Variants in ASB13 observed in about 807,000 individuals in gnomAD.
ASB13 encodes the protein ankyrin repeat and SOCS box containing 13.
In ASB13, 33 loss-of-function variants were observed where a neutral mutation model predicts 28.8. The ratio of observed to expected loss-of-function variants is 1.15; its 90% CI spans 0.87 to 1.53. The LOEUF (loss-of-function observed/expected upper bound fraction) is 1.53. Ranked by LOEUF, ASB13 falls within the 40% of genes most tolerant of loss-of-function variation. The pLI, the probability that ASB13 is intolerant of heterozygous loss-of-function variation, is 0.00. For synonymous variants in ASB13, 182 were observed against 172.9 expected (o/e 1.05, Z -0.41); for missense variants, 414 against 390.1 (o/e 1.06, Z -0.52).
At position 5,651,529 on chromosome 10, in the gene ASB13, G is replaced by A; in HGVS notation, c.232-166C>T. On this transcript the variant is annotated intron_variant, in intron 2 of 5. Coordinates refer to ENST00000357700, the MANE Select transcript of ASB13 (RefSeq NM_024701.4). This position sits in a 1 kb window ranked among gnomAD's most constrained non-coding sequence, Gnocchi z 5.1. ...CTGAAAGAGATAGCACGTGGCTGCG[G>A]AGCACCGACGGCCTCCTGAGTAGAG... 2.8e-6 allele frequency: 2 copies of A among 704,024 alleles called. No homozygotes were observed. Among genetic ancestry groups the A allele is most frequent in the Non-Finnish European group, 4.6e-6 (2 of 439,078 alleles). The allele number at this position is 704,024 out of a possible 1,614,324, so 43.6% of individuals were successfully genotyped here.
In ASB13 at chr10:5,663,994, G is replaced by A. The variant is rs921611884; in HGVS notation, c.43+2515C>T. 6.6e-6 allele frequency among the ~76,000 whole-genome samples: 1 copy of A among 152,132 alleles called. No individual in the cohort carries two copies. Among genetic ancestry groups the A allele is most frequent in the Non-Finnish European group, 1.5e-5 (1 of 68,022 alleles). On this transcript the variant is annotated intron_variant, in intron 1 of 5. Transcript: ENST00000357700. The surrounding 1 kb of genome is among the most constrained non-coding windows in gnomAD (Gnocchi z 4.9). ...CACTCAACTGAGAGTACCTGGATGG[G>A]GAGACATAAATCCATATAAACAAGT...
At chr10:5,665,077 G>A (rs1022795538) in intron 1 of ASB13, among the ~76,000 whole-genome samples, 5 of 152,112 alleles carry the variant, frequency 3.3e-5, no homozygotes, top group Admixed American at 6.5e-5. Flanking sequence ...GGCTGGTCTC[G>A]AACTCCTGAC....
At chr10:5,657,290 G>C (rs1398905264) in intron 1 of ASB13, among the ~76,000 whole-genome samples, 1 of 151,916 alleles carries the variant, frequency 6.6e-6, no homozygotes, top group East Asian at 1.9e-4. Flanking sequence ...ATCTGAAAAG[G>C]GGTTAGTCCA....
At chr10:5,647,795 C>A (rs963467380) in intron 4 of ASB13, among the ~76,000 whole-genome samples, 2 of 152,222 alleles carry the variant, frequency 1.3e-5, no homozygotes, top group Admixed American at 1.3e-4. Flanking sequence ...GAGCCAGCCT[C>A]CAACCCTGGT....
chr10:5,640,595 G>A lies in ASB13; in HGVS notation c.*108C>T, dbSNP rs1300832942. On this transcript the variant is annotated 3_prime_UTR_variant, in exon 6 of 6. Coordinates refer to ENST00000357700, the MANE Select transcript of ASB13 (RefSeq NM_024701.4). Reference sequence around the variant, plus strand: ...ATCGCAGGAAGGGACTCGAAGGAGCGTTGTTCTATCTACAGCAATCACGCT... The same window carrying A: ...ATCGCAGGAAGGGACTCGAAGGAGCATTGTTCTATCTACAGCAATCACGCT... 9.3e-6 allele frequency: 13 copies of A among 1,401,498 alleles called. No homozygotes were observed. Among genetic ancestry groups the A allele is most frequent in the East Asian group, 4.6e-5 (2 of 43,158 alleles). The allele number at this position is 1,401,498 out of a possible 1,614,324, so 86.8% of individuals were successfully genotyped here.
chr10:5,646,719 G>C (rs1387195545), intron 4 of ASB13, among the ~76,000 whole-genome samples: 1 of 152,154 alleles, frequency 6.6e-6, no homozygotes, highest in African/African-American at 2.4e-5. Flanking sequence ...CTGACATGAA[G>C]TCCTAACTGA....
rs1451527643 is a variant in ASB13, at chr10:5,641,208, T to G, written c.710-378A>C. ...CCTCCGCCTCCTGCATTCAAGCAAT[T>G]CTCCTGCCTCAACCTCCCGAGTAGC... On this transcript the variant is annotated intron_variant, in intron 5 of 5. Transcript: ENST00000357700. The surrounding 1 kb of genome is among the most constrained non-coding windows in gnomAD (Gnocchi z 8.4). Among the ~76,000 whole-genome samples the G allele has an allele frequency of 6.6e-6, 1 of 152,080 alleles. No individual in the cohort carries two copies. The highest frequency in any genetic ancestry group is 1.5e-5 in the Non-Finnish European group (1 of 67,992).
chr10:5,651,488 G>GCTAGCACA lies in ASB13; in HGVS notation c.232-126_232-125insTGTGCTAG. ...AAGCACCGGTTTGCTTTGCTATTAT[G>GCTAGCACA]TGCTAGGCAACGACACTGAAAGAGA... On this transcript the variant is annotated intron_variant, in intron 2 of 5. Transcript: ENST00000357700. The surrounding 1 kb of genome is among the most constrained non-coding windows in gnomAD (Gnocchi z 5.1). 1 of 1,127,648 alleles carries GCTAGCACA rather than the reference G, an allele frequency of 8.9e-7. No homozygotes were observed. Among genetic ancestry groups the GCTAGCACA allele is most frequent in the Non-Finnish European group, 1.2e-6 (1 of 812,436 alleles). The allele number at this position is 1,127,648 out of a possible 1,614,324, so 69.9% of individuals were successfully genotyped here.
intron 1 of ASB13, 35 bp from the exon 2 acceptor site, chr10:5,653,085 C>T: frequency 1.3e-6 from 2 of 1,502,326 alleles, no homozygotes; most frequent in Non-Finnish European, 1.8e-6. Flanking sequence ...TAAGACCCTG[C>T]CACTTCCATC....
chr10:5,650,706 C>T lies in ASB13; in HGVS notation c.382+507G>A, dbSNP rs1257494317. On this transcript the variant is annotated intron_variant, in intron 3 of 5. Coordinates refer to ENST00000357700, the MANE Select transcript of ASB13 (RefSeq NM_024701.4). The surrounding 1 kb of genome is among the most constrained non-coding windows in gnomAD (Gnocchi z 6.0). Reference sequence around the variant, plus strand: ...TAGGACAAGGAATGTTCCCCATGCTCGGGGTGCCCTTTTATCTTCCCAGCA... The same window carrying T: ...TAGGACAAGGAATGTTCCCCATGCTTGGGGTGCCCTTTTATCTTCCCAGCA... Among the ~76,000 whole-genome samples the T allele has an allele frequency of 6.6e-6, 1 of 152,234 alleles. No homozygotes were observed. Among genetic ancestry groups the T allele is most frequent in the Non-Finnish European group, 1.5e-5 (1 of 68,042 alleles).
Position 5,638,935 on chromosome 10 carries a change from T to C in ASB13, c.*1768A>G, listed in dbSNP as rs1834764110. On this transcript the variant is annotated 3_prime_UTR_variant, in exon 6 of 6. Coordinates refer to ENST00000357700, the MANE Select transcript of ASB13 (RefSeq NM_024701.4). ...CCTGATTCTGCGCTAAGTGCTCTAC[T>C]GTGAGACATCACAGGTTGTCATTGC... 6.6e-6 allele frequency: 1 copy of C among 152,382 alleles called. No individual in the cohort carries two copies. The highest frequency in any genetic ancestry group is 2.1e-4 in the South Asian group (1 of 4,830). The allele number at this position is 152,382 out of a possible 1,614,324, so 9.4% of individuals were successfully genotyped here.
In ASB13 at chr10:5,657,532, G is replaced by A. The variant is rs536104358; in HGVS notation, c.44-4482C>T. Among the ~76,000 whole-genome samples, 56 of 152,230 alleles carry A rather than the reference G, an allele frequency of 3.7e-4. 1 individual carries two copies. The highest frequency in any genetic ancestry group is 1.4e-3 in the Admixed American group (21 of 15,280). The stretch of plus-strand genomic sequence containing the variant: ...CAAAAAAAACCAAATACGTGTTGGC[G>A]AGAATGTGGAGAAAGTGGTACTCTT... On this transcript the variant is annotated intron_variant, in intron 1 of 5. Transcript: ENST00000357700.
At position 5,641,974 on chromosome 10, in the gene ASB13, A is replaced by G; in HGVS notation, c.518-13T>C. 1 of 1,591,064 alleles carries G rather than the reference A, an allele frequency of 6.3e-7. No homozygotes were observed. The highest frequency in any genetic ancestry group is 8.6e-7 in the Non-Finnish European group (1 of 1,160,742). On this transcript the variant is annotated splice_polypyrimidine_tract_variant and intron_variant, in intron 4 of 5. Transcript: ENST00000357700. This position sits in a 1 kb window ranked among gnomAD's most constrained non-coding sequence, Gnocchi z 8.4. ...TTCACGTTGGCCCCTGGAGGTCAAG[A>G]GTGCAGAAGAGATTTCACCAAGAAG...
At position 5,642,632 on chromosome 10, in the gene ASB13, G is replaced by A. The variant is rs1834827215; in HGVS notation, c.518-671C>T. 1 of 577,350 alleles carries A rather than the reference G, an allele frequency of 1.7e-6. No individual in the cohort carries two copies. Among genetic ancestry groups the A allele is most frequent in the African/African-American group, 2.1e-5 (1 of 47,364 alleles). The allele number at this position is 577,350 out of a possible 1,614,324, so 35.8% of individuals were successfully genotyped here. A position where few individuals can be genotyped will look rare whatever the true frequency, so the allele number is the denominator to read the frequency against. On this transcript the variant is annotated intron_variant, in intron 4 of 5. Coordinates refer to ENST00000357700, the MANE Select transcript of ASB13 (RefSeq NM_024701.4). The surrounding 1 kb of genome is among the most constrained non-coding windows in gnomAD (Gnocchi z 4.1). ...TTCAGAAAGATGCAAGGAATTAGTA[G>A]CTAAATATGGCTGGTTTTGGGTTTT...
Position 5,664,588 on chromosome 10 carries a change from C to T in ASB13, c.43+1921G>A, listed in dbSNP as rs141852398. Among the ~76,000 whole-genome samples, 18 of 151,916 alleles carry T rather than the reference C, an allele frequency of 1.2e-4. No homozygotes were observed. The East Asian group carries it at 2.9e-3, about 24-fold the overall frequency. ...ACTGGAGGACCCTGGGGGGAACGTA[C>T]GGGGGAGTGGGGGAGCAGCCAGTAG... On this transcript the variant is annotated intron_variant, in intron 1 of 5. Transcript: ENST00000357700. The surrounding 1 kb of genome is among the most constrained non-coding windows in gnomAD (Gnocchi z 4.2).
chr10:5,648,849 C>G, intron 4 of ASB13, 121 bp downstream of exon 4: 3 of 1,525,180 alleles, frequency 2.0e-6, no homozygotes, highest in Non-Finnish European at 2.6e-6. Context: ...CCGGTAAACA[C>G]CCACTCGGGT....
chr10:5,643,532 A>G (rs1283971200), intron 4 of ASB13, among the ~76,000 whole-genome samples: 1 of 152,250 alleles, frequency 6.6e-6, no homozygotes, highest in Admixed American at 6.5e-5. Flanking sequence ...AAAAATGCTA[A>G]CTTATCTATG....
At position 5,640,594 on chromosome 10, in the gene ASB13, C is replaced by T. The variant is rs1031299725; in HGVS notation, c.*109G>A. ...GATCGCAGGAAGGGACTCGAAGGAG[C>T]GTTGTTCTATCTACAGCAATCACGC... On this transcript the variant is annotated 3_prime_UTR_variant, in exon 6 of 6. Coordinates refer to ENST00000357700, the MANE Select transcript of ASB13 (RefSeq NM_024701.4). 8 of 1,387,274 alleles carry T rather than the reference C, an allele frequency of 5.8e-6. No homozygotes were observed. Among genetic ancestry groups the T allele is most frequent in the African/African-American group, 4.3e-5 (3 of 70,382 alleles). 85.9% of individuals were successfully genotyped at this position (1,387,274 alleles called of 1,614,324 possible).
Position 5,659,786 on chromosome 10 carries a change from C to T in ASB13, c.43+6723G>A, listed in dbSNP as rs184959985. On this transcript the variant is annotated intron_variant, in intron 1 of 5. Coordinates refer to ENST00000357700, the MANE Select transcript of ASB13 (RefSeq NM_024701.4). The surrounding 1 kb of genome is among the most constrained non-coding windows in gnomAD (Gnocchi z 5.8). ...GTACCACAGCTAGCCAGCCTCCCCACACAGGCTGCTCGTGCAGGTATCTGA... is the reference window on the plus strand; with the variant it reads ...GTACCACAGCTAGCCAGCCTCCCCATACAGGCTGCTCGTGCAGGTATCTGA... Among the ~76,000 whole-genome samples the T allele has an allele frequency of 6.6e-6, 1 of 152,284 alleles. No homozygotes were observed. Among genetic ancestry groups the T allele is most frequent in the East Asian group, 1.9e-4 (1 of 5,170 alleles).
Sources: gnomAD v4.1 joint callset for allele counts (sites outside exome capture counted in the v4.1 genomes callset) on GRCh38, gnomAD v4.1.1 for gene constraint, Gnocchi (gnomAD v3.1) non-coding constraint, MANE v1.5 for transcripts, NCBI Gene and HGNC (gene_info 2026-07-23, HGNC 2026-07-21) for gene names.